Variants in DAB1 observed in about 807,000 individuals in gnomAD.
The protein encoded by DAB1 is disabled homolog 1.
In DAB1, 15 loss-of-function variants were observed where a neutral mutation model predicts 64.6. The observed-to-expected ratio is 0.23, with a 90% CI of 0.16 to 0.36. The LOEUF is 0.36. Among genes scored for constraint, DAB1 ranks in the 10% least tolerant of loss-of-function variants. DAB1 has a pLI of 1.00. For synonymous variants in DAB1, 235 were observed against 251.9 expected (o/e 0.93, Z 0.64); for missense variants, 596 against 706.7 (o/e 0.84, Z 1.78).
At chr1:57,290,217 A>T (rs553713466) in intron 2 of DAB1, among the ~76,000 whole-genome samples, 1 of 152,300 alleles carries the variant, frequency 6.6e-6, no homozygotes, top group Non-Finnish European at 1.5e-5. Flanking sequence ...CCCTAAACTC[A>T]AACCTAGTGA....
chr1:57,987,700 C>T (rs1646254071), intron 5 of DAB1, among the ~76,000 whole-genome samples: 1 of 152,284 alleles, frequency 6.6e-6, no homozygotes, highest in South Asian at 2.1e-4. Context: ...AGTGAGGCTG[C>T]ACTAATTACC....
At chr1:57,751,714 G>C (rs138866508) in intron 6 of DAB1, among the ~76,000 whole-genome samples, 2 of 152,072 alleles carry the variant, frequency 1.3e-5, no homozygotes, top group African/African-American at 2.4e-5. Context: ...GACAATTATC[G>C]GGGGCAGTTA....
At chr1:57,012,145 G>T (rs1351771540) in intron 12 of DAB1, among the ~76,000 whole-genome samples, 1 of 152,088 alleles carries the variant, frequency 6.6e-6, no homozygotes, top group Non-Finnish European at 1.5e-5. Context: ...CAAGTGAGAG[G>T]GTGGCATGAC....
At chr1:58,277,603 G>A (rs963863669) in intron 4 of DAB1, among the ~76,000 whole-genome samples, 3 of 152,144 alleles carry the variant, frequency 2.0e-5, no homozygotes, top group African/African-American at 7.2e-5. Context: ...AATCTCCTAA[G>A]GGTGGTGCCA....
chr1:58,080,282 T>C (rs1412938820), intron 5 of DAB1: 1 of 152,194 alleles, frequency 6.6e-6, no homozygotes, highest in African/African-American at 2.4e-5. Context: ...TAATCAAGAT[T>C]CTGAGAGTTT....
chr1:58,000,235 C>A (rs1219978989), intron 5 of DAB1, among the ~76,000 whole-genome samples: 1 of 152,166 alleles, frequency 6.6e-6, no homozygotes, highest in Non-Finnish European at 1.5e-5. Context: ...CTTAGTGCAA[C>A]TTTTGGATGT....
At chr1:57,113,981 A>C (rs1337434589) in intron 4 of DAB1, among the ~76,000 whole-genome samples, 1 of 152,218 alleles carries the variant, frequency 6.6e-6, no homozygotes, top group Non-Finnish European at 1.5e-5. Flanking sequence ...AGGATGGAAC[A>C]CTTCCCTGCT....
At chr1:57,068,489 A>G (rs2100586611) in intron 8 of DAB1, among the ~76,000 whole-genome samples, 1 of 152,348 alleles carries the variant, frequency 6.6e-6, no homozygotes, top group East Asian at 1.9e-4. Flanking sequence ...TTTATTACAC[A>G]AGTAATACAC....
rs553816707 is a variant in DAB1, at chr1:58,167,658, G to A, written n.310-17070C>T. On this transcript the variant is annotated intron_variant and non_coding_transcript_variant, in intron 4 of 20. Transcript: ENST00000485760. The stretch of plus-strand genomic sequence containing the variant: ...TTGCTGCTGCTCACTCTTTGGGTCC[G>A]CATTACTTTTATGAGCTGTAACACT... 1.6e-4 allele frequency among the ~76,000 whole-genome samples: 25 copies of A among 152,304 alleles called. No individual in the cohort carries two copies. The East Asian group carries it at 3.1e-3, about 19-fold the overall frequency.
intron 4 of DAB1, among the ~76,000 whole-genome samples, chr1:57,073,028 C>T (rs916414199): frequency 2.0e-5 from 3 of 152,164 alleles, no homozygotes; most frequent in Non-Finnish European, 4.4e-5. Flanking sequence ...CTCTTTTTAT[C>T]CACTTGCCCA....
intron 2 of DAB1, among the ~76,000 whole-genome samples, chr1:57,256,211 C>A (rs1011212221): frequency 3.3e-5 from 5 of 152,186 alleles, no homozygotes; most frequent in African/African-American, 1.2e-4. Context: ...CTCTCTTACA[C>A]CCTGCACATT....
chr1:58,263,040 T>G (rs1265612513), intron 4 of DAB1, among the ~76,000 whole-genome samples: 1 of 152,258 alleles, frequency 6.6e-6, no homozygotes, highest in Non-Finnish European at 1.5e-5. Flanking sequence ...GGAATGCTTG[T>G]TATTGAATAA....
intron 6 of DAB1, among the ~76,000 whole-genome samples, chr1:57,767,943 G>A (rs1649388724): frequency 6.6e-6 from 1 of 151,994 alleles, no homozygotes; most frequent in African/African-American, 2.4e-5. Context: ...TTGGGAGGCT[G>A]AGGCGGGTGG....
At chr1:57,564,175 G>A (rs1173947593) in intron 7 of DAB1, among the ~76,000 whole-genome samples, 2 of 152,180 alleles carry the variant, frequency 1.3e-5, no homozygotes, top group African/African-American at 4.8e-5. Flanking sequence ...CAGGCAAAGA[G>A]GGTCTGGAGT....
chr1:57,565,414 C>T (rs1434375253), intron 7 of DAB1, among the ~76,000 whole-genome samples: 94 of 148,196 alleles, frequency 6.3e-4, no homozygotes, highest in South Asian at 1.1e-3. Context: ...ATCAAATTCA[C>T]ACATAACAAT....
intron 2 of DAB1, among the ~76,000 whole-genome samples, chr1:57,256,647 C>A (rs978692487): frequency 6.6e-6 from 1 of 152,232 alleles, no homozygotes; most frequent in African/African-American, 2.4e-5. Context: ...GACCTTATGC[C>A]TTGCTTCCTT....
intron 6 of DAB1, among the ~76,000 whole-genome samples, chr1:57,700,770 A>G (rs561625675): frequency 2.6e-5 from 4 of 152,252 alleles, no homozygotes; most frequent in South Asian, 4.2e-4. Flanking sequence ...TTCTTTGAAT[A>G]TGCTTTCTAT....
intron 6 of DAB1, among the ~76,000 whole-genome samples, chr1:57,712,576 G>T (rs1395291300): frequency 6.6e-6 from 1 of 152,164 alleles, no homozygotes; most frequent in African/African-American, 2.4e-5. Context: ...TAAAATGTCA[G>T]TCTCACTCAT....
At chr1:57,721,698 G>A (rs1423854440) in intron 6 of DAB1, among the ~76,000 whole-genome samples, 1 of 152,162 alleles carries the variant, frequency 6.6e-6, no homozygotes, top group East Asian at 1.9e-4. Context: ...TTAGGAAATG[G>A]GACCAGGGCC....
Sources: gnomAD v4.1 joint callset for allele counts (sites outside exome capture counted in the v4.1 genomes callset) on GRCh38, gnomAD v4.1.1 for gene constraint, MANE v1.5 for transcripts, NCBI Gene and HGNC (gene_info 2026-07-23, HGNC 2026-07-21) for gene names.